Variants in DHX35 observed in about 807,000 individuals in gnomAD.
DHX35 encodes the protein DEAH-box helicase 35.
A neutral mutation model predicts 99.6 loss-of-function variants in DHX35; 84 were observed. The observed-to-expected ratio is 0.84, with a 90% CI of 0.71 to 1.01. The LOEUF (loss-of-function observed/expected upper bound fraction) is 1.01, where lower values mean the gene tolerates loss of function less well. Among genes scored for constraint, DHX35 ranks in the 50% least tolerant of loss-of-function variants. The pLI, the probability that DHX35 is intolerant of heterozygous loss-of-function variation, is 0.00. For missense variants in DHX35, 852 were observed against 888.5 expected (o/e 0.96, Z 0.52); for synonymous variants, 331 against 316.2 (o/e 1.05, Z -0.50).
chr20:39,038,666 G>T lies in DHX35; in HGVS notation c.*123G>T, dbSNP rs933840481. ...GGAATGTTTGGTTGCTCTGAAGTGG[G>T]CTGCGGCCTGTTCATTAGTCCTTTC... On this transcript the variant is annotated 3_prime_UTR_variant, in exon 22 of 22. Coordinates refer to ENST00000252011, the MANE Select transcript of DHX35 (RefSeq NM_021931.4). The T allele has an allele frequency of 9.8e-5, 94 of 959,744 alleles. No individual in the cohort carries two copies. The highest frequency in any genetic ancestry group is 1.4e-4 in the Non-Finnish European group (88 of 637,552). The allele number at this position is 959,744 out of a possible 1,614,324, so 59.5% of individuals were successfully genotyped here.
At chr20:39,000,377 C>G (rs1320090104) in intron 8 of DHX35, among the ~76,000 whole-genome samples, 1 of 152,086 alleles carries the variant, frequency 6.6e-6, no homozygotes, top group Non-Finnish European at 1.5e-5. Context: ...GTGTCTGTTC[C>G]CACTTGTTTG....
chr20:39,026,107 G>A (rs2086952919), intron 18 of DHX35, among the ~76,000 whole-genome samples: 1 of 152,186 alleles, frequency 6.6e-6, no homozygotes. Context: ...AGCCTAGTGT[G>A]CCAGGTACTC....
chr20:39,016,367 C>T (rs1568751038), intron 14 of DHX35, among the ~76,000 whole-genome samples: 1 of 152,180 alleles, frequency 6.6e-6, no homozygotes, highest in Non-Finnish European at 1.5e-5. Flanking sequence ...GATCAAATTT[C>T]AACATGAGCT....
intron 3 of DHX35, among the ~76,000 whole-genome samples, chr20:38,974,827 A>G (rs2086052574): frequency 6.6e-6 from 1 of 152,244 alleles, no homozygotes; most frequent in South Asian, 2.1e-4. Flanking sequence ...CTTCATGGTT[A>G]GAGAAAGCAA....
intron 12 of DHX35, among the ~76,000 whole-genome samples, chr20:39,007,385 T>C (rs1446962569): frequency 2.0e-5 from 3 of 152,256 alleles, no homozygotes; most frequent in African/African-American, 7.2e-5. Flanking sequence ...CAGCATATTA[T>C]GGTATGATAG....
intron 18 of DHX35, among the ~76,000 whole-genome samples, chr20:39,028,025 T>G (rs1456047286): frequency 6.6e-6 from 1 of 152,220 alleles, no homozygotes; most frequent in African/African-American, 2.4e-5. Flanking sequence ...ATCTCCAGTT[T>G]GTGTTTTATA....
At chr20:38,993,000 A>G (rs776670334) in intron 7 of DHX35, among the ~76,000 whole-genome samples, 20 of 152,164 alleles carry the variant, frequency 1.3e-4, no homozygotes, top group Non-Finnish European at 2.2e-4. Context: ...ATCTGGCTTC[A>G]ACAATTACAA....
In DHX35 at chr20:38,983,774, A is replaced by G. The variant is rs936131829; in HGVS notation, c.343A>G (p.Thr115Ala). 2 of 1,613,218 alleles carry G rather than the reference A, an allele frequency of 1.2e-6. No individual in the cohort carries two copies. The highest frequency in any genetic ancestry group is 1.1e-5 in the South Asian group (1 of 90,968). Residue 115 changes from threonine to alanine, a missense_variant and splice_region_variant, in exon 4 of 22, where the codon ACA (threonine) becomes GCA (alanine). Coordinates refer to ENST00000252011, the MANE Select transcript of DHX35 (RefSeq NM_021931.4). ...VTQPRRVAAVTVAGRVAEERG... is the reference protein window; with the variant it reads ...VTQPRRVAAVAVAGRVAEERG... ...CCAGCCTCGAAGAGTGGCTGCTGTTACAGTGAGTTTCTTTTTGTGTTGGAA... is the reference window on the plus strand; with the variant it reads ...CCAGCCTCGAAGAGTGGCTGCTGTTGCAGTGAGTTTCTTTTTGTGTTGGAA...
chr20:39,001,373 G>A (rs7270784), intron 8 of DHX35, among the ~76,000 whole-genome samples: 55,907 of 152,014 alleles, frequency 0.37, 10,701 homozygotes, highest in Middle Eastern at 0.52. Context: ...CTGAACTTGA[G>A]TCACACCTTT....
At chr20:38,982,821 T>G (rs993031673) in intron 3 of DHX35, among the ~76,000 whole-genome samples, 2 of 152,236 alleles carry the variant, frequency 1.3e-5, no homozygotes, top group Non-Finnish European at 2.9e-5. Context: ...GAAAAACATG[T>G]AACTGATAAC....
In DHX35 at chr20:38,990,533, G is replaced by A. The variant is rs149745096; in HGVS notation, c.451-921G>A. On this transcript the variant is annotated intron_variant, in intron 5 of 21. Transcript: ENST00000252011. ...CAGTCCTCTGCATCCTGCGGGTTCTGCATCTGTGGATTCAACCAACCTTGA... is the reference window on the plus strand; with the variant it reads ...CAGTCCTCTGCATCCTGCGGGTTCTACATCTGTGGATTCAACCAACCTTGA... Among the ~76,000 whole-genome samples, 689 of 152,228 alleles carry A rather than the reference G, an allele frequency of 4.5e-3. 8 individuals carry two copies. Among genetic ancestry groups the A allele is most frequent in the African/African-American group, 0.016 (664 of 41,534 alleles).
In DHX35 at chr20:39,006,330, CG is replaced by C. The variant is rs772307597; in HGVS notation, c.1199del (p.Gly400GlufsTer35). 1 of 1,614,064 alleles carries C rather than the reference CG, an allele frequency of 6.2e-7. No homozygotes were observed. Among genetic ancestry groups the C allele is most frequent in the South Asian group, 1.1e-5 (1 of 91,060 alleles). Reference protein sequence around the residue: ...QRAGRGGRSRSGKCYRLYTEE... With the variant: ...QRAGRGGRSRXGKCYRLYTEE... ...GCAGGACGTGGTGGTCGTAGTCGCTCGGGAAAATGTTATCGCCTTTATACAG... is the reference window on the plus strand; with the variant it reads ...GCAGGACGTGGTGGTCGTAGTCGCTCGGAAAATGTTATCGCCTTTATACAG... On this transcript the variant is annotated frameshift_variant, in exon 12 of 22. Coordinates refer to ENST00000252011, the MANE Select transcript of DHX35 (RefSeq NM_021931.4). LOFTEE classifies it high-confidence loss of function.
intron 12 of DHX35, among the ~76,000 whole-genome samples, chr20:39,008,411 G>A (rs1460807151): frequency 6.6e-6 from 1 of 152,182 alleles, no homozygotes; most frequent in Admixed American, 6.5e-5. Flanking sequence ...ATGTAATTTT[G>A]TTTAACTTTT....
chr20:38,993,688 T>TC (rs1470599978), intron 7 of DHX35, among the ~76,000 whole-genome samples: 1 of 150,522 alleles, frequency 6.6e-6, no homozygotes, highest in Non-Finnish European at 1.5e-5. Context: ...TTCTTTTCTT[T>TC]TTTTTTTTTT....
intron 2 of DHX35, among the ~76,000 whole-genome samples, chr20:38,971,264 G>A (rs950805253): frequency 6.6e-6 from 1 of 152,184 alleles, no homozygotes; most frequent in African/African-American, 2.4e-5. Flanking sequence ...TGAGGCAGGA[G>A]AACTCTTGAA....
chr20:38,971,468 T>C (rs1466433849), intron 2 of DHX35, among the ~76,000 whole-genome samples: 1 of 152,114 alleles, frequency 6.6e-6, no homozygotes, highest in Admixed American at 6.6e-5. Flanking sequence ...CTGCCTTCTT[T>C]AGGCTGCTGT....
chr20:38,992,506 G>C, intron 7 of DHX35, 81 bp downstream of exon 7: 1 of 1,333,486 alleles, frequency 7.5e-7, no homozygotes, highest in Non-Finnish European at 1.1e-6. Flanking sequence ...AACTTGGAAA[G>C]TACAACAAAA....
chr20:39,002,910 C>A, intron 10 of DHX35, 42 bp downstream of exon 10: 1 of 1,526,118 alleles, frequency 6.6e-7, no homozygotes, highest in Non-Finnish European at 9.1e-7. Flanking sequence ...CATGTTAAGA[C>A]AGCACCAAAA....
chr20:39,019,066 G>C (rs2145926957), intron 15 of DHX35, among the ~76,000 whole-genome samples, 167 bp downstream of exon 15: 1 of 152,280 alleles, frequency 6.6e-6, no homozygotes, highest in East Asian at 1.9e-4. Context: ...GTAGTTCTGT[G>C]ATACAAAGTA....
Sources: allele counts gnomAD v4.1 joint callset (sites outside exome capture counted in the v4.1 genomes callset), GRCh38; gene constraint gnomAD v4.1.1; transcripts MANE v1.5; gene names NCBI Gene and HGNC (gene_info 2026-07-23, HGNC 2026-07-21).